Variants in SHPRH observed in about 807,000 individuals in gnomAD.
The protein encoded by SHPRH is E3 ubiquitin-protein ligase SHPRH.
SHPRH carries 106 observed loss-of-function variants against 202.5 expected under a neutral mutation model. That is an observed-to-expected ratio of 0.52 (90% CI 0.45 to 0.62). The LOEUF is 0.62. Among genes scored for constraint, SHPRH ranks in the 20% least tolerant of loss-of-function variants. The pLI is 0.00. For synonymous variants in SHPRH, 729 were observed against 686.0 expected, an observed-to-expected ratio of 1.06 and a Z score of -0.98; for missense variants, 1,710 against 2,020.0, an observed-to-expected ratio of 0.85 and a Z score of 2.94.
At position 145,924,854 on chromosome 6, in the gene SHPRH, G is replaced by C; in HGVS notation, c.3295-8C>G. 6.2e-7 allele frequency: 1 copy of C among 1,605,944 alleles called. No homozygotes were observed. Among genetic ancestry groups the C allele is most frequent in the East Asian group, 2.2e-5 (1 of 44,752 alleles). ...CTCTCGCAGCTGTTTGGCCTGTGTTGAAACAGAGAATATAAACTTTCACTC... is the reference window on the plus strand; with the variant it reads ...CTCTCGCAGCTGTTTGGCCTGTGTTCAAACAGAGAATATAAACTTTCACTC... On this transcript the variant is annotated splice_polypyrimidine_tract_variant and splice_region_variant and intron_variant, in intron 16 of 29. Transcript: ENST00000275233.
chr6:145,922,494 T>G, intron 19 of SHPRH, 146 bp from the exon 20 acceptor site: 5 of 1,239,282 alleles, frequency 4.0e-6, no homozygotes, highest in Non-Finnish European at 5.5e-6. Context: ...TTTTCATACC[T>G]TGTCCTTGAG....
In SHPRH at chr6:145,940,661, T is replaced by C. The variant is rs1786672322; in HGVS notation, c.2569+62A>G. 1.7e-5 allele frequency: 26 copies of C among 1,531,862 alleles called. No individual in the cohort carries two copies. The South Asian group carries it at 2.9e-4, about 17-fold the overall frequency. 94.9% of individuals were successfully genotyped at this position (1,531,862 alleles called of 1,614,324 possible). A position where few individuals can be genotyped will look rare whatever the true frequency, so the allele number is the denominator to read the frequency against. On this transcript the variant is annotated intron_variant, in intron 11 of 29. Transcript: ENST00000275233. ...CAGCAAAGGTTAAGCATAACAATAC[T>C]TTTCTCTCTAAAAAATGAAGCTTTT...
At chr6:145,927,413 A>G in intron 14 of SHPRH, 136 bp from the exon 15 acceptor site, 1 of 765,890 alleles carries the variant, frequency 1.3e-6, no homozygotes, top group Admixed American at 2.8e-5. Context: ...AAGAAATTTG[A>G]CTTGGTATTA....
At chr6:145,935,193 G>A (rs1453487345) in intron 12 of SHPRH, 30 bp from the exon 13 acceptor site, 6 of 1,568,572 alleles carry the variant, frequency 3.8e-6, no homozygotes, top group South Asian at 3.5e-5. Flanking sequence ...AAAAAAAAAA[G>A]ATATCATCTA....
At chr6:145,865,095 A>G (rs1779718792) in intron 2 of SHPRH, among the ~76,000 whole-genome samples, 1 of 152,204 alleles carries the variant, frequency 6.6e-6, no homozygotes, top group African/African-American at 2.4e-5. Context: ...CTTCTTGCCC[A>G]TAATTGTGAC....
At chr6:145,889,686 C>G (rs1444778486) in intron 28 of SHPRH, among the ~76,000 whole-genome samples, 1 of 152,072 alleles carries the variant, frequency 6.6e-6, no homozygotes, top group Non-Finnish European at 1.5e-5. Context: ...AGATATCTCA[C>G]TATGTATATG....
At chr6:145,859,229 G>A in the SHPRH span, among the ~76,000 whole-genome samples, 28 of 152,036 alleles carry the variant, frequency 1.8e-4, no homozygotes, top group South Asian at 3.1e-3. Context: ...TGCTAACAAT[G>A]CAATCTCACC....
intron 27 of SHPRH, 113 bp downstream of exon 27, chr6:145,894,037 C>T (rs1781793620): frequency 1.6e-6 from 1 of 623,764 alleles, no homozygotes; most frequent in African/African-American, 1.9e-5. Context: ...GAACTCAGAC[C>T]CTGTTTATGT....
rs567237019 is a variant in SHPRH, at chr6:145,926,073, GA to G, written c.3294+130del. On this transcript the variant is annotated intron_variant, in intron 16 of 29. Transcript: ENST00000275233. ...GCTACCCAAAATCACAACAAAATTC[GA>G]AACATCAAAGTAACAGGAAAACATG... 3.8e-4 allele frequency: 333 copies of G among 873,134 alleles called. 1 individual carries two copies. In the African/African-American group the frequency reaches 5.2e-3, roughly 14 times the overall value. 54.1% of individuals were successfully genotyped at this position (873,134 alleles called of 1,614,324 possible). A position where few individuals can be genotyped will look rare whatever the true frequency, so the allele number is the denominator to read the frequency against.
At chr6:145,895,681 G>T (rs562861191) in intron 25 of SHPRH, among the ~76,000 whole-genome samples, 5 of 152,082 alleles carry the variant, frequency 3.3e-5, no homozygotes, top group Admixed American at 3.3e-4. Context: ...TTTCCTTCTG[G>T]AGTGCTCTTG....
At chr6:145,951,796 G>A (rs1029217300) in intron 3 of SHPRH, 6 of 455,882 alleles carry the variant, frequency 1.3e-5, no homozygotes, top group Admixed American at 2.4e-5. Context: ...CCCACCATGA[G>A]CAGAACTTGG....
chr6:145,901,350 G>A (rs1215730485), intron 25 of SHPRH, among the ~76,000 whole-genome samples: 1 of 151,882 alleles, frequency 6.6e-6, no homozygotes, highest in African/African-American at 2.4e-5. Flanking sequence ...AAATAAACTT[G>A]GGTTCAAATC....
chr6:145,881,811 A>AG (rs1317794328), downstream of SHPRH, among the ~76,000 whole-genome samples: 2 of 152,198 alleles, frequency 1.3e-5, no homozygotes, highest in Admixed American at 6.5e-5. Context: ...GAAGAAAGGA[A>AG]GGGAAAAAAA....
downstream of SHPRH, chr6:145,883,226 T>G (rs1780718658): frequency 6.6e-6 from 1 of 152,176 alleles, no homozygotes. Flanking sequence ...TAAGCTGCAA[T>G]AAAAATTTGG....
chr6:145,894,183 T>C lies in SHPRH; in HGVS notation c.4662A>G (p.Glu1554=), dbSNP rs1400731898. 1.2e-6 allele frequency: 2 copies of C among 1,606,858 alleles called. No homozygotes were observed. The highest frequency in any genetic ancestry group is 1.1e-5 in the South Asian group (1 of 89,974). Residue 1554 remains glutamate, a synonymous_variant, in exon 27 of 30, where the codon GAA becomes GAG. Transcript: ENST00000275233. ...TCTTAACACGACTGATTTGTGCAAA[T>C]TCCATGTTGTTGTCAGTAAGAGCTT... The part of the protein sequence containing the change: ...ISKALTDNNM[E]FAQISRVKTF...
intron 29 of SHPRH, among the ~76,000 whole-genome samples, 167 bp from the exon 30 acceptor site, chr6:145,886,954 A>G (rs1781074756): frequency 1.3e-5 from 2 of 152,210 alleles, no homozygotes; most frequent in African/African-American, 4.8e-5. Flanking sequence ...ATACCTTGTC[A>G]AAGTGAAGAT....
intron 25 of SHPRH, chr6:145,909,636 G>A (rs1783305365): frequency 6.6e-6 from 1 of 152,104 alleles, no homozygotes; most frequent in Non-Finnish European, 1.5e-5. Flanking sequence ...AAACTCAGAA[G>A]GAATTAATAA....
intron 23 of SHPRH, chr6:145,917,574 C>T (rs1784067970): frequency 7.2e-6 from 1 of 139,550 alleles, no homozygotes; most frequent in South Asian, 2.3e-4. Context: ...CTAGAAGGTT[C>T]TCTGCCAACT....
intron 11 of SHPRH, among the ~76,000 whole-genome samples, chr6:145,939,215 A>G (rs1296442807): frequency 6.6e-6 from 1 of 152,186 alleles, no homozygotes; most frequent in East Asian, 1.9e-4. Context: ...AGAGATATGG[A>G]AGTGAGGAAG....
Sources: allele counts gnomAD v4.1 joint callset (sites outside exome capture counted in the v4.1 genomes callset), GRCh38; gene constraint gnomAD v4.1.1; transcripts MANE v1.5; gene names NCBI Gene and HGNC (gene_info 2026-07-23, HGNC 2026-07-21).